FAM167A: variants seen among roughly 807,000 people sequenced by gnomAD.
The protein encoded by FAM167A is protein FAM167A.
FAM167A carries 23 observed loss-of-function variants against 14.9 expected under a neutral mutation model. The observed-to-expected ratio is 1.55, with a 90% CI of 1.11 to 2.19. The LOEUF is 2.19. Ranked by LOEUF, FAM167A falls within the 30% of genes most tolerant of loss-of-function variation. The probability of loss-of-function intolerance (pLI) is 0.00; values close to 1 mark genes in which losing one functional copy is unlikely to be tolerated. For missense variants in FAM167A, 401 were observed against 281.5 expected, an observed-to-expected ratio of 1.42 and a Z score of -3.04; for synonymous variants, 174 against 117.7, an observed-to-expected ratio of 1.48 and a Z score of -3.10.
chr8:11,445,973 G>C (rs940565271), intron 1 of FAM167A, among the ~76,000 whole-genome samples: 1 of 142,246 alleles, frequency 7.0e-6, no homozygotes, highest in African/African-American at 2.6e-5. Flanking sequence ...GAGAAAGAAA[G>C]AGGGATTGTT....
upstream of FAM167A, among the ~76,000 whole-genome samples, chr8:11,472,506 C>G (rs1807992244): frequency 7.4e-6 from 1 of 135,308 alleles, no homozygotes; most frequent in Non-Finnish European, 1.5e-5. Flanking sequence ...GTGGCGTGAT[C>G]TCGGCTCACT....
At chr8:11,434,358 G>T (rs997484556) in intron 2 of FAM167A, among the ~76,000 whole-genome samples, 1 of 152,152 alleles carries the variant, frequency 6.6e-6, no homozygotes, top group African/African-American at 2.4e-5. Flanking sequence ...TGGATGGGAG[G>T]GGGGCAGGTG....
chr8:11,463,130 C>G (rs1475564178), intron 1 of FAM167A, among the ~76,000 whole-genome samples: 1 of 152,318 alleles, frequency 6.6e-6, no homozygotes, highest in East Asian at 1.9e-4. Context: ...AGAATTTGCT[C>G]TGAGGCTGCT....
intron 2 of FAM167A, among the ~76,000 whole-genome samples, chr8:11,442,865 A>T (rs1415001963): frequency 6.6e-6 from 1 of 152,206 alleles, no homozygotes; most frequent in Admixed American, 6.5e-5. Context: ...GTTAAAACGC[A>T]AACAGGCTTC....
At chr8:11,443,406 T>G (rs1554527373) in intron 2 of FAM167A, among the ~76,000 whole-genome samples, 1 of 152,202 alleles carries the variant, frequency 6.6e-6, no homozygotes, top group Non-Finnish European at 1.5e-5. Context: ...CCGCCCTGAC[T>G]TCTGAGCCAA....
In FAM167A at chr8:11,424,424, A is replaced by C; in HGVS notation, c.594T>G (p.Leu198=). The change falls in exon 3 of 3, where the codon CTT becomes CTG. Residue 198 remains leucine (L), a synonymous_variant. Coordinates refer to ENST00000284486, the MANE Select transcript of FAM167A (RefSeq NM_053279.3). ...SSFSLSTPLK[L]IGVTKMNINS... ...TGATGTTCATCTTGGTCACGCCAAT[A>C]AGCTTGAGTGGTGTGGAGAGGCTGA... 1 of 1,613,816 alleles carries C rather than the reference A, an allele frequency of 6.2e-7. No homozygotes were observed. Among genetic ancestry groups the C allele is most frequent in the Non-Finnish European group, 8.5e-7 (1 of 1,179,944 alleles).
chr8:11,468,186 G>C (rs1236699772), upstream of FAM167A, among the ~76,000 whole-genome samples: 1 of 152,200 alleles, frequency 6.6e-6, no homozygotes, highest in Non-Finnish European at 1.5e-5. Context: ...TGGAAATCCA[G>C]TCTCAGCTGC....
In FAM167A at chr8:11,421,937, C is replaced by G. The variant is rs1585216330; in HGVS notation, c.*2436G>C. The stretch of plus-strand genomic sequence containing the variant: ...AATGTGGTTAGTTGTGTTCACTGTG[C>G]AAAGTAAGGAAGCCAGTCAACACTG... On this transcript the variant is annotated 3_prime_UTR_variant, in exon 3 of 3. Coordinates refer to ENST00000284486, the MANE Select transcript of FAM167A (RefSeq NM_053279.3). 5.0e-6 allele frequency: 2 copies of G among 397,950 alleles called. No individual in the cohort carries two copies. The highest frequency in any genetic ancestry group is 3.6e-5 in the East Asian group (1 of 28,064). The allele number at this position is 397,950 out of a possible 1,614,324, so 24.7% of individuals were successfully genotyped here. A position where few individuals can be genotyped will look rare whatever the true frequency, so the allele number is the denominator to read the frequency against.
intron 1 of FAM167A, among the ~76,000 whole-genome samples, chr8:11,454,031 G>T (rs1029931971): frequency 6.6e-5 from 10 of 152,198 alleles, no homozygotes; most frequent in African/African-American, 2.2e-4. Context: ...CTTTCCATCT[G>T]CAGGTATAAC....
At position 11,444,433 on chromosome 8, in the gene FAM167A, C is replaced by A; in HGVS notation, c.-22G>T. The A allele has an allele frequency of 6.6e-7, 1 of 1,511,894 alleles. No individual in the cohort carries two copies. The allele number at this position is 1,511,894 out of a possible 1,614,324, so 93.7% of individuals were successfully genotyped here. A position where few individuals can be genotyped will look rare whatever the true frequency, so the allele number is the denominator to read the frequency against. ...ACATTCTACAGTCTGCCCTGGCAGC[C>A]GGACATGCGAGGGCACGGGGGGCGC... On this transcript the variant is annotated 5_prime_UTR_variant, in exon 2 of 3. Coordinates refer to ENST00000284486, the MANE Select transcript of FAM167A (RefSeq NM_053279.3).
intron 1 of FAM167A, among the ~76,000 whole-genome samples, chr8:11,462,850 G>C (rs1563392135): frequency 6.6e-6 from 1 of 152,148 alleles, no homozygotes; most frequent in South Asian, 2.1e-4. Flanking sequence ...GTCAGCATTG[G>C]GCATTTGATG....
intron 2 of FAM167A, among the ~76,000 whole-genome samples, chr8:11,442,162 C>T (rs528334910): frequency 6.6e-6 from 1 of 152,340 alleles, no homozygotes; most frequent in Non-Finnish European, 1.5e-5. Context: ...GTGCCTCACC[C>T]TGGGCCACCT....
At position 11,456,392 on chromosome 8, in the gene FAM167A, T is replaced by A. The variant is rs150477352; in HGVS notation, c.-398+10234A>T. Among the ~76,000 whole-genome samples the A allele has an allele frequency of 1.6e-3, 194 of 120,444 alleles. 2 individuals are homozygous for A. Among genetic ancestry groups the A allele is most frequent in the African/African-American group, 5.0e-3 (151 of 30,008 alleles). The allele number at this position is 120,444 out of a possible 152,430, so 79.0% of individuals were successfully genotyped here. A position where few individuals can be genotyped will look rare whatever the true frequency, so the allele number is the denominator to read the frequency against. On this transcript the variant is annotated intron_variant, in intron 1 of 2. Transcript: ENST00000284486. ...TGGGGTGGTTGCCCTGCCTGGTGTG[T>A]GTGTGAGTGTGGGGGGTGGTTGCCT...
intron 1 of FAM167A, among the ~76,000 whole-genome samples, chr8:11,447,658 G>A (rs759128411): frequency 3.3e-5 from 5 of 152,216 alleles, no homozygotes; most frequent in Admixed American, 6.5e-5. Context: ...CCTGGTCACA[G>A]GCAGGTGCCA....
At position 11,421,552 on chromosome 8, in the gene FAM167A, T is replaced by G. The variant is rs769754222; in HGVS notation, c.*2821A>C. The G allele has an allele frequency of 3.8e-5, 15 of 396,380 alleles. No homozygotes were observed. In the East Asian group the frequency reaches 5.4e-4, roughly 14 times the overall value. The allele number at this position is 396,380 out of a possible 1,614,324, so 24.6% of individuals were successfully genotyped here. ...CTAACAGCAATATAGAAACAAATAA[T>G]CATAAAAAATAAAAGTATAAATCGT... On this transcript the variant is annotated 3_prime_UTR_variant, in exon 3 of 3. Coordinates refer to ENST00000284486, the MANE Select transcript of FAM167A (RefSeq NM_053279.3).
At chr8:11,461,603 G>C (rs1314781681) in intron 1 of FAM167A, among the ~76,000 whole-genome samples, 2 of 152,246 alleles carry the variant, frequency 1.3e-5, no homozygotes, top group African/African-American at 4.8e-5. Context: ...GCACAGCTAA[G>C]GACACGGGGG....
chr8:11,427,123 C>G (rs1305435186), intron 2 of FAM167A, among the ~76,000 whole-genome samples: 4 of 152,178 alleles, frequency 2.6e-5, no homozygotes, highest in Non-Finnish European at 4.4e-5. Flanking sequence ...GCAGCTTTGC[C>G]TGATGCAGTT....
At chr8:11,430,177 G>A (rs1805479080) in intron 2 of FAM167A, among the ~76,000 whole-genome samples, 2 of 152,192 alleles carry the variant, frequency 1.3e-5, no homozygotes, top group South Asian at 4.1e-4. Flanking sequence ...GAGAACAAAA[G>A]CACTTGCTGA....
chr8:11,442,080 G>A (rs1424220368), intron 2 of FAM167A, among the ~76,000 whole-genome samples: 1 of 152,236 alleles, frequency 6.6e-6, no homozygotes, highest in South Asian at 2.1e-4. Context: ...GCCTTTGGTA[G>A]TCAGATTAGT....
Sources: allele counts gnomAD v4.1 joint callset (sites outside exome capture counted in the v4.1 genomes callset), GRCh38; gene constraint gnomAD v4.1.1; transcripts MANE v1.5; gene names NCBI Gene and HGNC (gene_info 2026-07-23, HGNC 2026-07-21).